JMJD1C: variants seen among roughly 807,000 people sequenced by gnomAD.
JMJD1C encodes the protein jumonji domain-containing protein 1C.
JMJD1C carries 31 observed loss-of-function variants against 245.3 expected under a neutral mutation model. That is an observed-to-expected ratio of 0.13 (90% CI 0.09 to 0.17). The LOEUF (loss-of-function observed/expected upper bound fraction) is 0.17, where lower values mean the gene tolerates loss of function less well. Among genes scored for constraint, JMJD1C ranks in the 10% least tolerant of loss-of-function variants. The pLI is 1.00. For missense variants in JMJD1C, 2,691 were observed against 3,000.2 expected (o/e 0.90, Z 2.41); for synonymous variants, 1,057 against 1,017.4 (o/e 1.04, Z -0.74).
chr10:63,374,542 T>C (rs992129520), intron 2 of JMJD1C, among the ~76,000 whole-genome samples: 1 of 152,194 alleles, frequency 6.6e-6, no homozygotes, highest in Non-Finnish European at 1.5e-5. Context: ...TGTCAGGAGA[T>C]AGATTTTTGT....
At chr10:63,313,086 C>G (rs867264753) in intron 2 of JMJD1C, among the ~76,000 whole-genome samples, 2 of 152,092 alleles carry the variant, frequency 1.3e-5, no homozygotes, top group South Asian at 2.1e-4. Flanking sequence ...AGTCTTTTAT[C>G]ACTCAATCCC....
intron 1 of JMJD1C, among the ~76,000 whole-genome samples, chr10:63,430,039 C>G (rs1950656954): frequency 6.6e-6 from 1 of 152,278 alleles, no homozygotes; most frequent in South Asian, 2.1e-4. Context: ...TTATGCACAA[C>G]TATTTCTAAA....
chr10:63,183,621 G>T, intron 21 of JMJD1C, 52 bp from the exon 22 acceptor site: 1 of 1,087,324 alleles, frequency 9.2e-7, no homozygotes, highest in Non-Finnish European at 1.3e-6. Context: ...ATATGTAATA[G>T]CATAATCAGA....
At chr10:63,293,114 A>G (rs1348459889) in intron 2 of JMJD1C, among the ~76,000 whole-genome samples, 1 of 152,184 alleles carries the variant, frequency 6.6e-6, no homozygotes, top group Non-Finnish European at 1.5e-5. Context: ...CCCCAGGAAG[A>G]TTACACATTC....
chr10:63,392,469 C>T lies in JMJD1C; in HGVS notation c.169-11987G>A, dbSNP rs577633314. ...GAAAGTATTTGCAAGCTACTCATCGCACAAGTGACTAATAATTCAGAATAT... is the reference window on the plus strand; with the variant it reads ...GAAAGTATTTGCAAGCTACTCATCGTACAAGTGACTAATAATTCAGAATAT... On this transcript the variant is annotated intron_variant, in intron 1 of 25. Coordinates refer to ENST00000399262, the MANE Select transcript of JMJD1C (RefSeq NM_032776.3). Among the ~76,000 whole-genome samples, 7 of 152,082 alleles carry T rather than the reference C, an allele frequency of 4.6e-5. No homozygotes were observed. The East Asian group carries it at 1.4e-3, about 29-fold the overall frequency.
At chr10:63,390,465 C>T (rs1038247262) in intron 1 of JMJD1C, among the ~76,000 whole-genome samples, 5 of 152,110 alleles carry the variant, frequency 3.3e-5, no homozygotes, top group Non-Finnish European at 7.4e-5. Context: ...CAACTAACAC[C>T]ACTTCTCCTC....
intron 3 of JMJD1C, 46 bp from the exon 4 acceptor site, chr10:63,220,029 C>A: frequency 7.2e-7 from 1 of 1,388,730 alleles, no homozygotes; most frequent in Non-Finnish European, 1.0e-6. Context: ...GCTCTCCTAC[C>A]ATTAATGTTA....
intron 1 of JMJD1C, chr10:63,382,962 C>T (rs1947327406): frequency 2.5e-6 from 1 of 398,070 alleles, no homozygotes; most frequent in South Asian, 1.8e-5. Flanking sequence ...AGTATATAAG[C>T]AAATACCGTC....
intron 2 of JMJD1C, among the ~76,000 whole-genome samples, chr10:63,327,079 G>A (rs1397145891): frequency 1.3e-5 from 2 of 151,944 alleles, no homozygotes; most frequent in African/African-American, 4.8e-5. Context: ...CCCAGCTACC[G>A]AGGAGGCTGA....
chr10:63,202,562 AT>A (rs1352065114), intron 10 of JMJD1C: 1 of 985,316 alleles, frequency 1.0e-6, no homozygotes, highest in Non-Finnish European at 1.2e-6. Context: ...AGGTCCAATT[AT>A]TAAGCACTTC....
At chr10:63,286,704 A>AT (rs1858022549) in intron 2 of JMJD1C, among the ~76,000 whole-genome samples, 1 of 152,196 alleles carries the variant, frequency 6.6e-6, no homozygotes, top group Non-Finnish European at 1.5e-5. Flanking sequence ...TAAGAGAATA[A>AT]GCTCTTTGGT....
rs796620477 is a variant in JMJD1C, at chr10:63,218,017, A to C, written c.554-686T>G. On this transcript the variant is annotated intron_variant, in intron 4 of 25. Coordinates refer to ENST00000399262, the MANE Select transcript of JMJD1C (RefSeq NM_032776.3). ...AGTCACTCTACAGAAGAGGATACTG[A>C]GATGAAAACGATCTTTAATTCACAG... Among the ~76,000 whole-genome samples the C allele has an allele frequency of 1.2e-4, 18 of 152,230 alleles. 1 individual carries two copies. The highest frequency in any genetic ancestry group is 4.3e-4 in the African/African-American group (18 of 41,576).
In JMJD1C at chr10:63,215,355, C is replaced by T; in HGVS notation, c.923G>A (p.Ser308Asn). 6.2e-7 allele frequency: 1 copy of T among 1,613,962 alleles called. No individual in the cohort carries two copies. The highest frequency in any genetic ancestry group is 8.5e-7 in the Non-Finnish European group (1 of 1,179,990). Residue 308 changes from serine (S) to asparagine (N), a missense_variant, in exon 7 of 26, where the codon AGT (serine) becomes AAT (asparagine). Ser to Asn is a conservative substitution (Grantham distance 46). Around this residue, in one of 9 missense-constraint regions of JMJD1C, gnomAD observed 1,562 missense variants for 1,490.7 expected, o/e 1.05. Coordinates refer to ENST00000399262, the MANE Select transcript of JMJD1C (RefSeq NM_032776.3). ...GCCCTTCCTCTTATTTGGACGGATACTTCTTTGTTGCTGTTGCTGGTGTGT... is the reference window on the plus strand; with the variant it reads ...GCCCTTCCTCTTATTTGGACGGATATTTCTTTGTTGCTGTTGCTGGTGTGT... ...QNTHQQQQQR[S>N]IRPNKRKGSD...
intron 2 of JMJD1C, among the ~76,000 whole-genome samples, chr10:63,339,097 T>C (rs917103188): frequency 2.0e-5 from 3 of 152,344 alleles, no homozygotes; most frequent in African/African-American, 7.2e-5. Context: ...ATTACCATTC[T>C]ACAAGCTGGT....
intron 2 of JMJD1C, among the ~76,000 whole-genome samples, chr10:63,297,397 G>C (rs1455809367): frequency 2.0e-5 from 3 of 152,206 alleles, no homozygotes; most frequent in Non-Finnish European, 2.9e-5. Flanking sequence ...GCAGATAGGA[G>C]CTACCTACTT....
intron 2 of JMJD1C, among the ~76,000 whole-genome samples, chr10:63,295,976 T>A (rs1207260019): frequency 5.0e-5 from 2 of 40,200 alleles, no homozygotes; most frequent in African/African-American, 2.5e-4. Flanking sequence ...TGTGTGTGTG[T>A]GTGTGTGTGT....
At chr10:63,356,319 C>T (rs192397763) in intron 2 of JMJD1C, among the ~76,000 whole-genome samples, 1 of 152,308 alleles carries the variant, frequency 6.6e-6, no homozygotes, top group Non-Finnish European at 1.5e-5. Context: ...GATACAGACA[C>T]ATGAAATACA....
chr10:63,450,859 T>C (rs1300619195), intron 1 of JMJD1C, among the ~76,000 whole-genome samples: 1 of 151,458 alleles, frequency 6.6e-6, no homozygotes, highest in Non-Finnish European at 1.5e-5. Flanking sequence ...GAAGTAAAAT[T>C]ACCTCTGTTC....
At chr10:63,397,184 G>C (rs1948557887) in intron 1 of JMJD1C, among the ~76,000 whole-genome samples, 1 of 152,050 alleles carries the variant, frequency 6.6e-6, no homozygotes, top group South Asian at 2.1e-4. Flanking sequence ...TCAAACAAAA[G>C]TAACTATTAT....
Sources: gnomAD v4.1 joint callset for allele counts (sites outside exome capture counted in the v4.1 genomes callset) on GRCh38, gnomAD v4.1.1 for gene constraint, gnomAD v4.1.1 regional missense constraint, MANE v1.5 for transcripts, NCBI Gene and HGNC (gene_info 2026-07-23, HGNC 2026-07-21) for gene names.